The following CBFA2T2 variants were observed in gnomAD, a reference collection of about 807,000 sequenced individuals.
The protein encoded by CBFA2T2 is CBFA2/RUNX1 partner transcriptional co-repressor 2.
A neutral mutation model predicts 62.2 loss-of-function variants in CBFA2T2; 11 were observed. The observed-to-expected ratio is 0.18, with a 90% CI of 0.11 to 0.29. The LOEUF (loss-of-function observed/expected upper bound fraction) is 0.29. Among genes scored for constraint, CBFA2T2 ranks in the 10% least tolerant of loss-of-function variants. The pLI, the probability that CBFA2T2 is intolerant of heterozygous loss-of-function variation, is 1.00. For synonymous variants in CBFA2T2, 295 were observed against 287.5 expected, an observed-to-expected ratio of 1.03 and a Z score of -0.27; for missense variants, 592 against 774.1, an observed-to-expected ratio of 0.76 and a Z score of 2.79.
At chr20:33,503,229 T>C (rs996845371) in intron 1 of CBFA2T2, among the ~76,000 whole-genome samples, 1 of 150,106 alleles carries the variant, frequency 6.7e-6, no homozygotes, top group Non-Finnish European at 1.5e-5. Flanking sequence ...TCAAAAAATA[T>C]GTATCTAAAT....
intron 1 of CBFA2T2, among the ~76,000 whole-genome samples, chr20:33,599,985 T>C (rs1379401100): frequency 6.6e-6 from 1 of 152,184 alleles, no homozygotes. Context: ...CATCTCGGCA[T>C]ATGAAGCCTG....
chr20:33,644,933 T>A lies in CBFA2T2; in HGVS notation c.*287T>A. 2.5e-6 allele frequency: 1 copy of A among 398,550 alleles called. No homozygotes were observed. The highest frequency in any genetic ancestry group is 4.5e-6 in the Non-Finnish European group (1 of 219,886). 24.7% of individuals were successfully genotyped at this position (398,550 alleles called of 1,614,324 possible). ...CACTGAAGCTGACTTAGCCGGCCCC[T>A]TTTCAGTGTAGACCACCAGCTCCCC... On this transcript the variant is annotated 3_prime_UTR_variant, in exon 11 of 11. Transcript: ENST00000342704.
chr20:33,625,548 G>C (rs920142511), intron 6 of CBFA2T2, among the ~76,000 whole-genome samples: 1 of 152,242 alleles, frequency 6.6e-6, no homozygotes, highest in Non-Finnish European at 1.5e-5. Context: ...AAAAAGCAAA[G>C]GAGGTAAAAT....
At position 33,490,248 on chromosome 20, in the gene CBFA2T2, C is replaced by CGCG. The variant is rs1357818431; in HGVS notation, c.-10_-8dup. 3 of 1,230,906 alleles carry CGCG rather than the reference C, an allele frequency of 2.4e-6. No homozygotes were observed. The highest frequency in any genetic ancestry group is 3.8e-5 in the South Asian group (1 of 26,102). The allele number at this position is 1,230,906 out of a possible 1,614,324, so 76.2% of individuals were successfully genotyped here. ...GTGTCGCGGGTAGAGGCGGGCGGCGCGCGGCGGCGGCGCTCGGCGATGGTA... is the reference window on the plus strand; with the variant it reads ...GTGTCGCGGGTAGAGGCGGGCGGCGCGCGGCGGCGGCGGCGCTCGGCGATGGTA... On this transcript the variant is annotated 5_prime_UTR_variant, in exon 1 of 11. Coordinates refer to ENST00000342704, the MANE Select transcript of CBFA2T2 (RefSeq NM_001032999.3).
intron 8 of CBFA2T2, among the ~76,000 whole-genome samples, chr20:33,633,084 G>A (rs1216616695): frequency 1.3e-5 from 2 of 151,842 alleles, no homozygotes; most frequent in East Asian, 3.9e-4. Flanking sequence ...TTAAAGTCTT[G>A]GGTTAGCTGG....
intron 1 of CBFA2T2, among the ~76,000 whole-genome samples, chr20:33,529,119 G>A (rs529138898): frequency 2.9e-4 from 44 of 152,112 alleles, no homozygotes; most frequent in African/African-American, 1.0e-3. Flanking sequence ...TCCGCCTACC[G>A]GGTTTACGCC....
At chr20:33,558,249 G>C (rs971627889) in intron 1 of CBFA2T2, among the ~76,000 whole-genome samples, 4 of 150,934 alleles carry the variant, frequency 2.7e-5, no homozygotes, top group African/African-American at 9.8e-5. Context: ...CTCCTGCCTC[G>C]GCCACCAGAG....
chr20:33,606,215 CT>C (rs1297358084), intron 1 of CBFA2T2, among the ~76,000 whole-genome samples: 1 of 152,138 alleles, frequency 6.6e-6, no homozygotes, highest in Non-Finnish European at 1.5e-5. Context: ...TTTTTCACCC[CT>C]AATAATTTGA....
chr20:33,595,400 C>T (rs185959774), intron 1 of CBFA2T2, among the ~76,000 whole-genome samples: 368 of 152,048 alleles, frequency 2.4e-3, no homozygotes, highest in South Asian at 4.6e-3. Context: ...TTAGTAGAGA[C>T]GGGGTTTCAC....
At chr20:33,622,218 T>C (rs528194618) in intron 4 of CBFA2T2, among the ~76,000 whole-genome samples, 5 of 152,332 alleles carry the variant, frequency 3.3e-5, no homozygotes, top group African/African-American at 1.2e-4. Flanking sequence ...GCTTTTTGGC[T>C]AGCATTTGGG....
chr20:33,543,396 G>A (rs1004356409), intron 1 of CBFA2T2, among the ~76,000 whole-genome samples: 5 of 152,148 alleles, frequency 3.3e-5, no homozygotes, highest in African/African-American at 9.7e-5. Context: ...ATTTTCTGGC[G>A]CAATGGAGTG....
chr20:33,589,102 A>G (rs1033231370), intron 1 of CBFA2T2, among the ~76,000 whole-genome samples: 1 of 152,216 alleles, frequency 6.6e-6, no homozygotes, highest in African/African-American at 2.4e-5. Flanking sequence ...AGAAACTTCA[A>G]GGTTATACAT....
At chr20:33,555,337 C>T (rs1026890411) in intron 1 of CBFA2T2, among the ~76,000 whole-genome samples, 3 of 152,136 alleles carry the variant, frequency 2.0e-5, no homozygotes, top group Middle Eastern at 3.4e-3. Context: ...AAGAAGAGAC[C>T]GTCATGAATG....
At chr20:33,514,699 T>C (rs1447621811) in intron 1 of CBFA2T2, among the ~76,000 whole-genome samples, 1 of 151,852 alleles carries the variant, frequency 6.6e-6, no homozygotes, top group Admixed American at 6.6e-5. Context: ...TTATTTATTT[T>C]ATTATTATTA....
chr20:33,530,661 C>A (rs1035989788), intron 1 of CBFA2T2, among the ~76,000 whole-genome samples: 16 of 152,108 alleles, frequency 1.1e-4, no homozygotes, highest in African/African-American at 3.9e-4. Flanking sequence ...GATCCGCCCA[C>A]CTCCACCTCC....
chr20:33,566,596 ACT>A (rs1050055019), intron 1 of CBFA2T2, among the ~76,000 whole-genome samples: 1 of 147,958 alleles, frequency 6.8e-6, no homozygotes. Context: ...ACAGAGCAAG[ACT>A]CAGTCTCAAA....
intron 8 of CBFA2T2, among the ~76,000 whole-genome samples, chr20:33,630,305 AT>A (rs2016402573): frequency 6.6e-6 from 1 of 152,112 alleles, no homozygotes; most frequent in Non-Finnish European, 1.5e-5. Context: ...AATATTTGTG[AT>A]TTTGTTCTGT....
chr20:33,495,171 C>A (rs542463780), intron 1 of CBFA2T2, among the ~76,000 whole-genome samples: 2 of 151,664 alleles, frequency 1.3e-5, no homozygotes, highest in African/African-American at 4.8e-5. Flanking sequence ...TCGAGGTGGG[C>A]GGATCATCTG....
intron 1 of CBFA2T2, among the ~76,000 whole-genome samples, chr20:33,517,738 C>T (rs144743919): frequency 1.6e-3 from 240 of 150,994 alleles, no homozygotes; most frequent in African/African-American, 4.9e-3. Flanking sequence ...CTCCGCCTCC[C>T]GGTTCAAGCA....
Sources: allele counts gnomAD v4.1 joint callset (sites outside exome capture counted in the v4.1 genomes callset), GRCh38; gene constraint gnomAD v4.1.1; transcripts MANE v1.5; gene names NCBI Gene and HGNC (gene_info 2026-07-23, HGNC 2026-07-21).